LOC728743: variants seen among roughly 807,000 people sequenced by gnomAD.
the LOC728743 span, chr7:150,405,606 C>T: frequency 6.6e-6 from 1 of 151,368 alleles, no homozygotes; most frequent in Non-Finnish European, 1.5e-5. Flanking sequence ...GGGTGGAGGC[C>T]TACGTATTTT....
chr7:150,406,375 T>C, the LOC728743 span, among the ~76,000 whole-genome samples: 190 of 152,276 alleles, frequency 1.2e-3, 2 homozygotes, highest in African/African-American at 4.3e-3. Flanking sequence ...CAGTAGACAG[T>C]GCATCTACAG....
At chr7:150,406,490 A>G in the LOC728743 span, among the ~76,000 whole-genome samples, 7 of 152,128 alleles carry the variant, frequency 4.6e-5, no homozygotes, top group Non-Finnish European at 1.0e-4. Context: ...CAGCTAGTAC[A>G]TTGAAAAGAG....
chr7:150,404,016 G>A, the LOC728743 span, among the ~76,000 whole-genome samples: 1 of 152,234 alleles, frequency 6.6e-6, no homozygotes, highest in Non-Finnish European at 1.5e-5. Flanking sequence ...CAGAGCTGCA[G>A]AGAGGACCCT....
chr7:150,408,244 G>A, the LOC728743 span: 2 of 387,182 alleles, frequency 5.2e-6, no homozygotes, highest in Non-Finnish European at 9.2e-6. Context: ...GCCTGCTGCC[G>A]ACGGCTGCTT....
the LOC728743 span, among the ~76,000 whole-genome samples, chr7:150,409,936 C>T: frequency 1.8e-4 from 27 of 152,262 alleles, no homozygotes; most frequent in African/African-American, 5.3e-4. Context: ...GCTTCGGACA[C>T]CTGGAGTCAG....
At chr7:150,409,420 G>A in the LOC728743 span, among the ~76,000 whole-genome samples, 3 of 152,174 alleles carry the variant, frequency 2.0e-5, no homozygotes, top group South Asian at 2.1e-4. Flanking sequence ...GAGAAAGGGG[G>A]CAGCCAGGAC....
At chr7:150,401,205 GA>G in the LOC728743 span, among the ~76,000 whole-genome samples, 2 of 152,244 alleles carry the variant, frequency 1.3e-5, no homozygotes, top group African/African-American at 4.8e-5. Flanking sequence ...CTGGACCTAA[GA>G]AAGATGGTGT....
the LOC728743 span, chr7:150,410,717 G>A: frequency 6.6e-6 from 1 of 152,336 alleles, no homozygotes; most frequent in Non-Finnish European, 1.5e-5. Context: ...ACCTTCCCTA[G>A]GAAAACAGAT....
the LOC728743 span, chr7:150,408,038 C>T: frequency 2.5e-6 from 1 of 395,994 alleles, no homozygotes. Context: ...GCTCAACCAC[C>T]AGCGCACCCA....
chr7:150,404,224 A>G, the LOC728743 span, among the ~76,000 whole-genome samples: 4 of 152,232 alleles, frequency 2.6e-5, no homozygotes, highest in East Asian at 5.8e-4. Flanking sequence ...GACTTTTAAA[A>G]TAACTTTTCC....
the LOC728743 span, chr7:150,410,475 T>C: frequency 1.8e-5 from 6 of 342,370 alleles, no homozygotes; most frequent in Admixed American, 1.4e-4. Flanking sequence ...GGACGATGCC[T>C]GTGTGGAGAG....
chr7:150,408,448 T>C, the LOC728743 span: 1 of 341,124 alleles, frequency 2.9e-6, no homozygotes, highest in Non-Finnish European at 5.3e-6. Flanking sequence ...TTCCGGCTCC[T>C]GCCATGGTTC....
the LOC728743 span, chr7:150,410,522 TAGAGTTCAG>T: frequency 1.1e-5 from 3 of 278,944 alleles, no homozygotes; most frequent in East Asian, 1.8e-4. Context: ...ACCACTTGGC[TAGAGTTCAG>T]AGACAGGAAG....
At chr7:150,408,419 G>T in the LOC728743 span, 2 of 354,970 alleles carry the variant, frequency 5.6e-6, no homozygotes, top group East Asian at 4.2e-5. Context: ...GGACCCTCTG[G>T]CTGGCTGCGC....
the LOC728743 span, among the ~76,000 whole-genome samples, chr7:150,408,991 G>A: frequency 6.6e-6 from 1 of 152,166 alleles, no homozygotes; most frequent in African/African-American, 2.4e-5. Context: ...TGTGTGACGC[G>A]GGGCCAACCT....
the LOC728743 span, among the ~76,000 whole-genome samples, chr7:150,406,783 G>A: frequency 6.6e-6 from 1 of 152,194 alleles, no homozygotes; most frequent in African/African-American, 2.4e-5. Context: ...CCTTGGGCCA[G>A]GCTTTGCTGT....
chr7:150,410,013 G>T, the LOC728743 span: 1 of 396,784 alleles, frequency 2.5e-6, no homozygotes, highest in Non-Finnish European at 4.4e-6. Context: ...TGCAGTGCTT[G>T]GTAGGGGACA....
chr7:150,410,267 G>A, the LOC728743 span: 1 of 398,664 alleles, frequency 2.5e-6, no homozygotes, highest in East Asian at 3.6e-5. Flanking sequence ...ACCCGGGCAT[G>A]AGGACACATC....
the LOC728743 span, chr7:150,411,777 C>T: frequency 1.3e-5 from 2 of 152,446 alleles, no homozygotes; most frequent in Non-Finnish European, 2.9e-5. Context: ...GAAACCTCCA[C>T]ACACGCCCCT....
Sources: allele counts gnomAD v4.1 joint callset (sites outside exome capture counted in the v4.1 genomes callset), GRCh38; gene constraint gnomAD v4.1.1; transcripts MANE v1.5.